ETV1: variants seen among roughly 807,000 people sequenced by gnomAD.
ETV1 encodes the protein ETS translocation variant 1.
ETV1 carries 27 observed loss-of-function variants against 62.3 expected under a neutral mutation model. The observed-to-expected ratio is 0.43, with a 90% CI of 0.32 to 0.60. The LOEUF is 0.60. Among genes scored for constraint, ETV1 ranks in the 20% least tolerant of loss-of-function variants. ETV1 has a pLI of 0.06. For missense variants in ETV1, 605 were observed against 605.8 expected (o/e 1.00, Z 0.01); for synonymous variants, 222 against 199.6 (o/e 1.11, Z -0.94).
At chr7:13,981,630 A>C (rs1187132277) in intron 5 of ETV1, among the ~76,000 whole-genome samples, 2 of 152,064 alleles carry the variant, frequency 1.3e-5, no homozygotes, top group Non-Finnish European at 2.9e-5. Flanking sequence ...GGAAGAAAAA[A>C]GGAAAAGACA....
intron 9 of ETV1, among the ~76,000 whole-genome samples, chr7:13,929,863 C>T (rs1039712881): frequency 1.3e-5 from 2 of 152,262 alleles, no homozygotes; most frequent in African/African-American, 4.8e-5. Flanking sequence ...CAGAGGGAGA[C>T]TTCTAAGTCA....
rs558718380 is a variant in ETV1, at chr7:13,973,129, A to C, written c.235+4298T>G. Among the ~76,000 whole-genome samples the C allele has an allele frequency of 7.0e-4, 107 of 152,282 alleles. 1 individual carries two copies. The highest frequency in any genetic ancestry group is 2.6e-3 in the African/African-American group (106 of 41,552). ...GATGCTCTGATCTCTATTATTCTAC[A>C]TGCATTTAAACATGTTACAGTCAAA... On this transcript the variant is annotated intron_variant, in intron 6 of 13. Transcript: ENST00000430479.
At chr7:13,962,084 T>C (rs1790234316) in intron 6 of ETV1, among the ~76,000 whole-genome samples, 1 of 152,024 alleles carries the variant, frequency 6.6e-6, no homozygotes, top group Non-Finnish European at 1.5e-5. Flanking sequence ...CATATATCTA[T>C]ATATTTTTGT....
chr7:13,912,863 G>A (rs1712916412), intron 9 of ETV1, among the ~76,000 whole-genome samples: 1 of 152,148 alleles, frequency 6.6e-6, no homozygotes, highest in Non-Finnish European at 1.5e-5. Flanking sequence ...GACTATCAGA[G>A]TGGGTCAGAC....
chr7:13,964,594 A>T (rs1790564556), intron 6 of ETV1, among the ~76,000 whole-genome samples: 1 of 152,190 alleles, frequency 6.6e-6, no homozygotes. Context: ...AAAACCTGGC[A>T]TAAAAATATT....
intron 6 of ETV1, among the ~76,000 whole-genome samples, chr7:13,962,033 T>C (rs543292038): frequency 3.9e-5 from 6 of 152,220 alleles, no homozygotes; most frequent in African/African-American, 1.4e-4. Context: ...CAGAAATGAA[T>C]GCACGTGTGA....
upstream of ETV1, chr7:13,989,670 A>G (rs969252207): frequency 2.5e-6 from 1 of 398,816 alleles, no homozygotes. Flanking sequence ...CGCCTCTGAC[A>G]GAGCTCAATT....
At position 13,971,167 on chromosome 7, in the gene ETV1, C is replaced by T. The variant is rs151132917; in HGVS notation, c.235+6260G>A. 7.1e-3 allele frequency among the ~76,000 whole-genome samples: 1,086 copies of T among 152,150 alleles called. 12 individuals carry two copies. The highest frequency in any genetic ancestry group is 0.025 in the African/African-American group (1,043 of 41,516). On this transcript the variant is annotated intron_variant, in intron 6 of 13. Coordinates refer to ENST00000430479, the MANE Select transcript of ETV1 (RefSeq NM_004956.5). ...TGTAGTTTTAGTAGAGACGGGGTTTCGCCATGTTAGCCAGGCTAGTCTCGA... is the reference window on the plus strand; with the variant it reads ...TGTAGTTTTAGTAGAGACGGGGTTTTGCCATGTTAGCCAGGCTAGTCTCGA...
intron 9 of ETV1, among the ~76,000 whole-genome samples, chr7:13,914,733 G>C (rs985106673): frequency 1.3e-5 from 2 of 151,958 alleles, no homozygotes; most frequent in Non-Finnish European, 2.9e-5. Context: ...TGACCACAAA[G>C]TGCAGTATTG....
intron 3 of ETV1, 36 bp from the exon 4 acceptor site, chr7:13,988,209 T>G (rs1236713428): frequency 7.1e-7 from 1 of 1,418,262 alleles, no homozygotes; most frequent in Non-Finnish European, 1.0e-6. Context: ...TAAAAGAATG[T>G]AAACCTCAGA....
chr7:13,927,362 G>C (rs1397467548), intron 9 of ETV1, among the ~76,000 whole-genome samples: 1 of 152,170 alleles, frequency 6.6e-6, no homozygotes, highest in African/African-American at 2.4e-5. Context: ...TGAGGCAGGA[G>C]AACTGCTTGA....
chr7:13,931,129 A>C (rs945710394), intron 9 of ETV1, among the ~76,000 whole-genome samples: 4 of 151,962 alleles, frequency 2.6e-5, no homozygotes, highest in Non-Finnish European at 5.9e-5. Flanking sequence ...GACCTAGTTC[A>C]GAAGAATATT....
At chr7:13,900,683 G>A (rs2128406109) in intron 13 of ETV1, 55 bp downstream of exon 13, 1 of 1,225,628 alleles carries the variant, frequency 8.2e-7, no homozygotes, top group Non-Finnish European at 1.2e-6. Flanking sequence ...AAAGTATGAT[G>A]TTCAGATTAA....
At chr7:13,924,019 G>C (rs1785142442) in intron 9 of ETV1, among the ~76,000 whole-genome samples, 1 of 151,718 alleles carries the variant, frequency 6.6e-6, no homozygotes. Context: ...GGGGCAACAA[G>C]AGTGAAACTC....
Position 13,895,915 on chromosome 7 carries a change from T to G in ETV1, c.1385A>C (p.Glu462Ala). The G allele has an allele frequency of 6.2e-7, 1 of 1,613,808 alleles. No homozygotes were observed. Among genetic ancestry groups the G allele is most frequent in the Non-Finnish European group, 8.5e-7 (1 of 1,179,838 alleles). ...HFDESMAYMP[E>A]GGCCNPHPYN... Reference sequence around the variant, plus strand: ...GGGGTGGGGGTTGCAGCAGCCCCCTTCCGGCATGTAGGCCATGCTCTCATC... The same window carrying G: ...GGGGTGGGGGTTGCAGCAGCCCCCTGCCGGCATGTAGGCCATGCTCTCATC... The change falls in exon 14 of 14, where the codon GAA becomes GCA. Residue 462 changes from glutamate to alanine, a missense_variant. Physicochemically the swap from Glu to Ala is moderately radical, Grantham distance 107. This residue lies in a region of ETV1 where 79 missense variants were observed against 71.6 expected (regional missense o/e 1.10). Transcript: ENST00000430479.
At chr7:13,970,073 A>T (rs926381123) in intron 6 of ETV1, among the ~76,000 whole-genome samples, 1 of 151,406 alleles carries the variant, frequency 6.6e-6, no homozygotes, top group Non-Finnish European at 1.5e-5. Context: ...TGGCTAACAC[A>T]GTGAAACCCC....
intron 9 of ETV1, among the ~76,000 whole-genome samples, chr7:13,917,187 C>T (rs541358142): frequency 2.8e-4 from 43 of 152,040 alleles, no homozygotes; most frequent in South Asian, 1.2e-3. Flanking sequence ...CTACTAGGCT[C>T]GCACTATTAC....
chr7:13,919,382 TAAA>T (rs1193380280), intron 9 of ETV1, among the ~76,000 whole-genome samples: 1 of 143,086 alleles, frequency 7.0e-6, no homozygotes, highest in African/African-American at 2.5e-5. Flanking sequence ...ACCCACATAC[TAAA>T]AAAAAAAATT....
At chr7:13,950,694 CT>C (rs1788697386) in intron 6 of ETV1, among the ~76,000 whole-genome samples, 2 of 152,074 alleles carry the variant, frequency 1.3e-5, no homozygotes, top group African/African-American at 4.8e-5. Flanking sequence ...CATCTTTCAT[CT>C]TTTCAAAAAG....
Sources: allele counts gnomAD v4.1 joint callset (sites outside exome capture counted in the v4.1 genomes callset), GRCh38; gene constraint gnomAD v4.1.1; regional missense constraint gnomAD v4.1.1; transcripts MANE v1.5; gene names NCBI Gene and HGNC (gene_info 2026-07-23, HGNC 2026-07-21).